Variants in NAALADL2 observed in about 807,000 individuals in gnomAD.
NAALADL2 encodes inactive N-acetylated-alpha-linked acidic dipeptidase-like protein 2.
NAALADL2 carries 76 observed loss-of-function variants against 87.2 expected under a neutral mutation model. The ratio of observed to expected loss-of-function variants is 0.87; its 90% CI spans 0.72 to 1.05. The LOEUF is 1.05. Ranked by LOEUF, NAALADL2 falls within the 50% of genes least tolerant of loss-of-function variation. NAALADL2 has a pLI of 0.00. For synonymous variants in NAALADL2, 354 were observed against 331.0 expected, an observed-to-expected ratio of 1.07 and a Z score of -0.75; for missense variants, 1,089 against 945.8, an observed-to-expected ratio of 1.15 and a Z score of -1.99.
chr3:175,328,381 T>G (rs934416420), intron 5 of NAALADL2, among the ~76,000 whole-genome samples: 36 of 152,092 alleles, frequency 2.4e-4, no homozygotes, highest in African/African-American at 8.5e-4. Flanking sequence ...GGTTTATCTT[T>G]GAAACTAAAG....
chr3:174,759,758 C>T (rs1257040405), intron 3 of NAALADL2, among the ~76,000 whole-genome samples: 1 of 150,818 alleles, frequency 6.6e-6, no homozygotes, highest in Admixed American at 6.6e-5. Context: ...TGGAGTGCAA[C>T]GGCATTATCT....
At chr3:174,800,435 A>G (rs1447939050) in intron 3 of NAALADL2, among the ~76,000 whole-genome samples, 2 of 152,212 alleles carry the variant, frequency 1.3e-5, no homozygotes. Flanking sequence ...GGTGCACAGA[A>G]GTCACGAATT....
chr3:174,447,178 A>G (rs1715121741), intron 1 of NAALADL2, among the ~76,000 whole-genome samples: 1 of 152,136 alleles, frequency 6.6e-6, no homozygotes. Flanking sequence ...GCCCTTTTGT[A>G]ATATGTCATA....
At chr3:174,846,837 G>T (rs1470013634) in intron 3 of NAALADL2, among the ~76,000 whole-genome samples, 1 of 152,092 alleles carries the variant, frequency 6.6e-6, no homozygotes, top group Non-Finnish European at 1.5e-5. Flanking sequence ...CATGGAACTG[G>T]CATGATTGCT....
intron 2 of NAALADL2, among the ~76,000 whole-genome samples, chr3:175,193,730 G>T (rs1264238441): frequency 6.6e-6 from 1 of 151,738 alleles, no homozygotes; most frequent in Non-Finnish European, 1.5e-5. Flanking sequence ...GAGGAGTTTT[G>T]GTTCTTTTGC....
At chr3:174,715,540 A>G (rs1022410337) in intron 2 of NAALADL2, among the ~76,000 whole-genome samples, 1 of 152,288 alleles carries the variant, frequency 6.6e-6, no homozygotes. Context: ...ATTTCACTGG[A>G]GAATGGGTTT....
intron 11 of NAALADL2, among the ~76,000 whole-genome samples, chr3:175,683,271 G>C (rs960253217): frequency 6.6e-6 from 1 of 151,752 alleles, no homozygotes; most frequent in African/African-American, 2.4e-5. Context: ...GTTAGATTGT[G>C]GTTCAATTGT....
At chr3:174,968,406 A>G (rs961566704) in intron 1 of NAALADL2, among the ~76,000 whole-genome samples, 1 of 152,190 alleles carries the variant, frequency 6.6e-6, no homozygotes, top group Admixed American at 6.5e-5. Context: ...ATACAACAAA[A>G]TAAGGAAATA....
rs377756552 is a variant in NAALADL2, at chr3:175,218,184, TTTAG to T, written c.546-15740_546-15737del. The T allele has an allele frequency of 1.4e-3, 546 of 400,196 alleles. 2 individuals are homozygous for T. Among genetic ancestry groups the T allele is most frequent in the African/African-American group, 0.011 (518 of 47,828 alleles). 24.8% of individuals were successfully genotyped at this position (400,196 alleles called of 1,614,324 possible). On this transcript the variant is annotated intron_variant, in intron 2 of 13. Transcript: ENST00000454872. ...AGAAGCACAATAATCTTATTCAAGT[TTTAG>T]TTAGTTTATATATTATGTAAATTCC...
At chr3:174,882,590 T>C (rs1422958050) in intron 1 of NAALADL2, among the ~76,000 whole-genome samples, 1 of 139,568 alleles carries the variant, frequency 7.2e-6, no homozygotes, top group Non-Finnish European at 1.5e-5. Context: ...TACACATATG[T>C]GTATATACAC....
chr3:174,710,475 A>C (rs1258565448), intron 2 of NAALADL2, among the ~76,000 whole-genome samples: 1 of 151,998 alleles, frequency 6.6e-6, no homozygotes, highest in Non-Finnish European at 1.5e-5. Flanking sequence ...GCTGGCCTTG[A>C]ACTCCAGACC....
intron 3 of NAALADL2, among the ~76,000 whole-genome samples, chr3:174,794,466 G>A (rs1424206639): frequency 6.7e-6 from 1 of 149,598 alleles, no homozygotes; most frequent in Non-Finnish European, 1.5e-5. Flanking sequence ...AAGAATAAAA[G>A]AAAAAATGTG....
intron 13 of NAALADL2, among the ~76,000 whole-genome samples, chr3:175,780,729 C>T (rs1230581389): frequency 6.6e-6 from 1 of 152,128 alleles, no homozygotes; most frequent in Non-Finnish European, 1.5e-5. Context: ...GCAAAATTTA[C>T]CTTGCTACAT....
At chr3:175,214,451 A>T (rs544086691) in intron 2 of NAALADL2, among the ~76,000 whole-genome samples, 1 of 152,252 alleles carries the variant, frequency 6.6e-6, no homozygotes, top group East Asian at 1.9e-4. Flanking sequence ...AAACCTTTGG[A>T]TTAATTGCAT....
At chr3:175,726,858 T>G (rs1028809081) in intron 11 of NAALADL2, among the ~76,000 whole-genome samples, 7 of 152,112 alleles carry the variant, frequency 4.6e-5, no homozygotes, top group Admixed American at 2.6e-4. Context: ...AAGGAGGATT[T>G]GAATCAGGGA....
At chr3:174,870,602 A>C (rs76817867) in intron 1 of NAALADL2, among the ~76,000 whole-genome samples, 34 of 151,206 alleles carry the variant, frequency 2.2e-4, no homozygotes, top group African/African-American at 5.6e-4. Flanking sequence ...TAAAAAAAAA[A>C]CACAATTAGC....
At chr3:175,325,153 T>G (rs73881462) in intron 5 of NAALADL2, among the ~76,000 whole-genome samples, 7,841 of 96,900 alleles carry the variant, frequency 0.081, 577 homozygotes, top group African/African-American at 0.29. Flanking sequence ...ATTTTTTTTG[T>G]TTTTTTTTCC....
intron 5 of NAALADL2, among the ~76,000 whole-genome samples, chr3:175,436,332 G>A (rs1439116458): frequency 2.0e-5 from 3 of 149,652 alleles, no homozygotes; most frequent in Non-Finnish European, 4.4e-5. Flanking sequence ...CGTCTTTATA[G>A]CAGCATGATT....
At chr3:175,294,033 A>T (rs1360794324) in intron 4 of NAALADL2, among the ~76,000 whole-genome samples, 5 of 152,146 alleles carry the variant, frequency 3.3e-5, no homozygotes, top group African/African-American at 9.7e-5. Context: ...TAGTCCAGGT[A>T]CACCGAGCAG....
Sources: gnomAD v4.1 joint callset for allele counts (sites outside exome capture counted in the v4.1 genomes callset) on GRCh38, gnomAD v4.1.1 for gene constraint, MANE v1.5 for transcripts, NCBI Gene and HGNC (gene_info 2026-07-23, HGNC 2026-07-21) for gene names.